The following IL4I1 variants were observed in gnomAD, a reference collection of about 807,000 sequenced individuals.
IL4I1 encodes L-amino-acid oxidase.
IL4I1 carries 24 observed loss-of-function variants against 29.7 expected under a neutral mutation model. That is an observed-to-expected ratio of 0.81 (90% CI 0.59 to 1.14). IL4I1 has a LOEUF of 1.14. Ranked by LOEUF, IL4I1 falls within the 50% of genes most tolerant of loss-of-function variation. IL4I1 has a pLI of 0.00. For missense variants in IL4I1, 686 were observed against 785.6 expected, an observed-to-expected ratio of 0.87 and a Z score of 1.52; for synonymous variants, 371 against 352.5, an observed-to-expected ratio of 1.05 and a Z score of -0.59.
intron 2 of IL4I1, among the ~76,000 whole-genome samples, chr19:49,920,946 AG>A (rs2075752588): frequency 6.6e-6 from 1 of 152,140 alleles, no homozygotes; most frequent in Admixed American, 6.5e-5. Flanking sequence ...GGAAGGGCCC[AG>A]GCCGGGCTGT....
chr19:49,898,957 T>C (rs2075245714), upstream of IL4I1, among the ~76,000 whole-genome samples: 1 of 152,068 alleles, frequency 6.6e-6, no homozygotes, highest in African/African-American at 2.4e-5. Context: ...GGCGAGAGGG[T>C]GGGACAGGAG....
rs2075131301 is a variant in IL4I1, at chr19:49,891,015, G to A, written c.729C>T (p.Phe243=). Residue 243 remains phenylalanine, a synonymous_variant, in exon 7 of 8, where the codon TTC becomes TTT. Coordinates refer to ENST00000391826, the MANE Select transcript of IL4I1 (RefSeq NM_152899.2). The part of the protein sequence containing the change: ...MSEDGFFYLS[F]AEALRAHSCL... The stretch of plus-strand genomic sequence containing the variant: ...AGCTGTGGGCCCGGAGGGCCTCGGC[G>A]AAGCTGAGATAGAAGAAGCCATCCT... 29 of 1,607,934 alleles carry A rather than the reference G, an allele frequency of 1.8e-5. No individual in the cohort carries two copies. The highest frequency in any genetic ancestry group is 2.4e-5 in the Non-Finnish European group (28 of 1,177,852).
rs1263408564 is a variant in IL4I1 at position 49,889,784 on chromosome 19, C to T, written c.1590G>A (p.Val530=). ...GCGAGGGGCTGCTGGCCACCCCATG[C>T]ACATGCCCCTGCCCCTCCATGTCAG... ...HASDMEGQGH[V]HGVASSPSHD... Residue 530 remains valine (V), a synonymous_variant, in exon 8 of 8, where the codon GTG becomes GTA. Coordinates refer to ENST00000391826, the MANE Select transcript of IL4I1 (RefSeq NM_152899.2). 2.0e-6 allele frequency: 3 copies of T among 1,536,194 alleles called. No individual in the cohort carries two copies. The Admixed American group carries it at 6.3e-5, about 32-fold the overall frequency.
chr19:49,889,882 G>T lies in IL4I1; in HGVS notation c.1492C>A (p.Leu498Met). The stretch of plus-strand genomic sequence containing the variant: ...CTGTTGATCTTGATGGCGGCGCGCA[G>T]CGCCGACTTGACCGCCGTCTCCACC... ...GWVETAVKSA[L>M]RAAIKINSRK... is the part of the protein sequence containing the mutation. The change falls in exon 8 of 8, where the codon CTG becomes ATG. Residue 498 changes from leucine to methionine, a missense_variant. Physicochemically the swap from Leu to Met is conservative, Grantham distance 15. Transcript: ENST00000391826. 6.2e-7 allele frequency: 1 copy of T among 1,605,512 alleles called. No individual in the cohort carries two copies. The highest frequency in any genetic ancestry group is 8.5e-7 in the Non-Finnish European group (1 of 1,175,698).
At chr19:49,928,482 A>G (rs1368630146) in intron 1 of IL4I1, 1 of 149,874 alleles carries the variant, frequency 6.7e-6, no homozygotes, top group East Asian at 2.0e-4. Flanking sequence ...GCGCCACTGC[A>G]CTCCAGCCTG....
chr19:49,909,057 C>G (rs2075392558), intron 2 of IL4I1: 11 of 1,612,946 alleles, frequency 6.8e-6, no homozygotes, highest in Non-Finnish European at 9.3e-6. Flanking sequence ...TGTGTCCCAG[C>G]AGTGGGGGCG....
In IL4I1 at chr19:49,896,129, C is replaced by G. The variant is rs1290001448; in HGVS notation, c.13+19G>C. Reference sequence around the variant, plus strand: ...GGGTTCTACTCACTTGTTCCAGAGCCCCTCCCCTGCTTACTCACCCAATGG... The same window carrying G: ...GGGTTCTACTCACTTGTTCCAGAGCGCCTCCCCTGCTTACTCACCCAATGG... On this transcript the variant is annotated intron_variant, in intron 2 of 7. Transcript: ENST00000391826. 7.1e-6 allele frequency: 11 copies of G among 1,559,540 alleles called. No individual in the cohort carries two copies. Among genetic ancestry groups the G allele is most frequent in the Non-Finnish European group, 7.8e-6 (9 of 1,151,084 alleles).
upstream of IL4I1, among the ~76,000 whole-genome samples, chr19:49,897,809 G>T (rs2075230965): frequency 6.6e-6 from 1 of 151,782 alleles, no homozygotes; most frequent in Non-Finnish European, 1.5e-5. Flanking sequence ...GAGGGAGGCA[G>T]ATTCTCTGCA....
intron 3 of IL4I1, among the ~76,000 whole-genome samples, chr19:49,903,699 G>A (rs1202020414): frequency 2.6e-5 from 4 of 152,060 alleles, no homozygotes; most frequent in Non-Finnish European, 5.9e-5. Context: ...TACATTTTCA[G>A]GAGTTTTTGC....
In IL4I1 at chr19:49,894,388, C is replaced by T; in HGVS notation, c.447G>A (p.Val149=). The change falls in exon 5 of 8, where the codon GTG becomes GTA. Residue 149 remains valine (V), a synonymous_variant. Transcript: ENST00000391826. ...CATAGTTGCGCAGCTTCACTTCGTG[C>T]ACCTCCGTCCACGTGTTCTTGTCGT... ...TQYDKNTWTE[V]HEVKLRNYVV... 1.9e-6 allele frequency: 3 copies of T among 1,614,212 alleles called. No homozygotes were observed. The highest frequency in any genetic ancestry group is 1.3e-5 in the African/African-American group (1 of 75,060).
upstream of IL4I1, among the ~76,000 whole-genome samples, chr19:49,898,513 A>G (rs1269686840): frequency 2.0e-5 from 3 of 152,094 alleles, no homozygotes; most frequent in Non-Finnish European, 4.4e-5. Context: ...TCCCATGGCG[A>G]TCACCTGCCT....
rs868090624 is a variant in IL4I1 at position 49,890,738 on chromosome 19, C to T, written c.774-138G>A. ...CCGTCATCCACCTCTCCCGACCCCG[C>T]CCGTCCCTGACATCCCAAAGGCCGC... On this transcript the variant is annotated intron_variant, in intron 7 of 7. Coordinates refer to ENST00000391826, the MANE Select transcript of IL4I1 (RefSeq NM_152899.2). The T allele has an allele frequency of 9.4e-4, 828 of 880,838 alleles. 4 individuals are homozygous for T. The highest frequency in any genetic ancestry group is 7.9e-3 in the Middle Eastern group (22 of 2,794). 54.6% of individuals were successfully genotyped at this position (880,838 alleles called of 1,614,324 possible).
intron 2 of IL4I1, among the ~76,000 whole-genome samples, chr19:49,905,408 C>T (rs557764139): frequency 7.9e-5 from 12 of 152,194 alleles, no homozygotes; most frequent in Admixed American, 3.9e-4. Context: ...GCCTCCCTTC[C>T]GGCAGAGGGG....
rs1238125187 is a variant in IL4I1, at chr19:49,908,586, T to G, written c.-227-4265A>C. On this transcript the variant is annotated intron_variant, in intron 2 of 9. Coordinates refer to the IL4I1 transcript ENST00000341114. ...TCCTTGACCAACTCCTCCAGTGGGC[T>G]CAGCAGGTCTTCCAGCTCCTTCTGC... is the stretch of plus-strand genomic sequence containing the variant. The G allele has an allele frequency of 1.9e-6, 3 of 1,614,126 alleles. No individual in the cohort carries two copies. The South Asian group carries it at 3.3e-5, about 18-fold the overall frequency.
chr19:49,898,736 G>T (rs755535349), upstream of IL4I1, among the ~76,000 whole-genome samples: 2 of 152,160 alleles, frequency 1.3e-5, no homozygotes. Flanking sequence ...AGGCGTGGTG[G>T]TGCACACCTG....
rs183839846 is a variant in IL4I1, at chr19:49,913,986, T to A, written c.-227-9665A>T. Among the ~76,000 whole-genome samples, 9 of 152,214 alleles carry A rather than the reference T, an allele frequency of 5.9e-5. No homozygotes were observed. The East Asian group carries it at 1.7e-3, about 29-fold the overall frequency. Reference sequence around the variant, plus strand: ...AAGAGCCTGAGGCCCGAACTGGAACTCAGAGAGGACAGCATCACAATTTGA... The same window carrying A: ...AAGAGCCTGAGGCCCGAACTGGAACACAGAGAGGACAGCATCACAATTTGA... On this transcript the variant is annotated intron_variant, in intron 2 of 9. Transcript: ENST00000341114.
chr19:49,920,631 C>G (rs1022659855), intron 2 of IL4I1, among the ~76,000 whole-genome samples: 1 of 152,186 alleles, frequency 6.6e-6, no homozygotes, highest in Non-Finnish European at 1.5e-5. Flanking sequence ...GACTTTACCC[C>G]GAGGGCAACG....
At chr19:49,909,779 C>T (rs770475388) in intron 2 of IL4I1, 3 of 1,614,120 alleles carry the variant, frequency 1.9e-6, no homozygotes, top group African/African-American at 1.3e-5. Context: ...TGTAGGGGCC[C>T]CAGTGCCTCC....
chr19:49,895,331 G>A (rs561435558), intron 3 of IL4I1, 151 bp from the exon 4 acceptor site: 189 of 636,882 alleles, frequency 3.0e-4, no homozygotes, highest in Middle Eastern at 1.2e-3. Context: ...GTATGGAGGT[G>A]GGGGAACAGA....
Sources: gnomAD v4.1 joint callset for allele counts (sites outside exome capture counted in the v4.1 genomes callset) on GRCh38, gnomAD v4.1.1 for gene constraint, MANE v1.5 for transcripts, NCBI Gene and HGNC (gene_info 2026-07-23, HGNC 2026-07-21) for gene names.